Variants in DIAPH2 observed in about 807,000 individuals in gnomAD.
DIAPH2 encodes the protein protein diaphanous homolog 2.
Under a neutral mutation model 92.7 loss-of-function variants are expected in DIAPH2, and 35 were observed. That is an observed-to-expected ratio of 0.38 (90% CI 0.29 to 0.50). The LOEUF is 0.50. Ranked by LOEUF, DIAPH2 falls within the 20% of genes least tolerant of loss-of-function variation. The pLI is 0.94. For missense variants in DIAPH2, 701 were observed against 819.5 expected, an observed-to-expected ratio of 0.86 and a Z score of 1.77; for synonymous variants, 301 against 280.4, an observed-to-expected ratio of 1.07 and a Z score of -0.73.
intron 26 of DIAPH2, among the ~76,000 whole-genome samples, chrX:97,587,523 C>T (rs1327050217): frequency 8.9e-6 from 1 of 111,985 alleles, no homozygotes; most frequent in Non-Finnish European, 1.9e-5. Flanking sequence ...AAAATACCCT[C>T]GCCTATGATG....
chrX:97,262,092 T>TAAAAA (rs35665297), intron 23 of DIAPH2, among the ~76,000 whole-genome samples: 404 of 60,025 alleles, frequency 6.7e-3, no homozygotes, highest in African/African-American at 0.013. Flanking sequence ...GATGAGAAAC[T>TAAAAA]AAAAAAAAAA....
chrX:97,412,438 A>G (rs1003801613), intron 25 of DIAPH2, among the ~76,000 whole-genome samples: 21 of 112,253 alleles, frequency 1.9e-4, no homozygotes, highest in African/African-American at 6.5e-4. Context: ...CTAAATGCCC[A>G]CAAGAGAAAG....
intron 26 of DIAPH2, among the ~76,000 whole-genome samples, chrX:97,438,148 G>C (rs190262892): frequency 1.2e-3 from 127 of 103,101 alleles, no homozygotes; most frequent in African/African-American, 4.2e-3. Context: ...AAAAAAAAAA[G>C]TAGTACCTGG....
At chrX:96,743,486 C>T (rs895282834) in intron 3 of DIAPH2, among the ~76,000 whole-genome samples, 11 of 111,827 alleles carry the variant, frequency 9.8e-5, no homozygotes, top group Non-Finnish European at 1.9e-4. Context: ...TCCTGGTCAA[C>T]AGTTGTTATC....
intron 22 of DIAPH2, among the ~76,000 whole-genome samples, chrX:97,176,926 C>T (rs184362411): frequency 1.3e-4 from 14 of 111,921 alleles, no homozygotes; most frequent in African/African-American, 4.2e-4. Flanking sequence ...TATGCACATC[C>T]TCCCATATAC....
chrX:96,987,724 A>C (rs1483764107), intron 17 of DIAPH2, among the ~76,000 whole-genome samples: 1 of 111,358 alleles, frequency 9.0e-6, no homozygotes, highest in East Asian at 2.8e-4. Context: ...TTTTTATCTG[A>C]GTCCTCTCAT....
chrX:97,464,297 TAAAAAAAAAAAAAA>T (rs753355896), intron 26 of DIAPH2, among the ~76,000 whole-genome samples: 6 of 32,948 alleles, frequency 1.8e-4, no homozygotes, highest in African/African-American at 6.0e-4. Context: ...CCATCTCTAC[TAAAAAAAAAAAAAA>T]AAAAAAAAAA....
At chrX:96,884,943 G>A (rs764145220) in intron 5 of DIAPH2, 1 of 1,211,356 alleles carries the variant, frequency 8.3e-7, no homozygotes, top group Non-Finnish European at 1.1e-6. Context: ...TGATTCATGA[G>A]TGTCCTCATC....
chrX:97,199,198 T>A (rs1184485641), intron 22 of DIAPH2, among the ~76,000 whole-genome samples: 1 of 102,498 alleles, frequency 9.8e-6, no homozygotes, highest in Non-Finnish European at 2.0e-5. Flanking sequence ...ATAAGGTGGT[T>A]TTTTTGAGGA....
chrX:96,754,819 G>T (rs1336686712), intron 3 of DIAPH2, among the ~76,000 whole-genome samples: 1 of 105,896 alleles, frequency 9.4e-6, no homozygotes, highest in Non-Finnish European at 1.9e-5. Context: ...AGCTACTTGG[G>T]AGGCTGAGGC....
chrX:97,258,665 C>G (rs1385225801), intron 23 of DIAPH2, among the ~76,000 whole-genome samples: 1 of 107,952 alleles, frequency 9.3e-6, no homozygotes, highest in African/African-American at 3.4e-5. Context: ...GTCAGGAGAT[C>G]TAGACCATCC....
chrX:96,732,276 T>C (rs1268255271), intron 1 of DIAPH2, among the ~76,000 whole-genome samples: 1 of 112,165 alleles, frequency 8.9e-6, no homozygotes, highest in Non-Finnish European at 1.9e-5. Flanking sequence ...TTCGTTTTGT[T>C]TGCAGATCAT....
At chrX:97,508,832 T>C (rs1024273836) in intron 26 of DIAPH2, among the ~76,000 whole-genome samples, 141 of 110,846 alleles carry the variant, frequency 1.3e-3, no homozygotes, top group African/African-American at 4.4e-3. Flanking sequence ...CTTCTTTTTC[T>C]ACAAAGCAGT....
chrX:96,948,136 A>G (rs1239536013), intron 14 of DIAPH2, among the ~76,000 whole-genome samples: 1 of 112,860 alleles, frequency 8.9e-6, no homozygotes, highest in Non-Finnish European at 1.9e-5. Flanking sequence ...AGATTGTAAT[A>G]GAAACAATTC....
intron 22 of DIAPH2, among the ~76,000 whole-genome samples, chrX:97,158,340 A>G (rs1440560592): frequency 8.9e-6 from 1 of 111,932 alleles, no homozygotes; most frequent in Admixed American, 9.5e-5. Context: ...GATCGGTTCT[A>G]TTGTCTTGTC....
intron 26 of DIAPH2, among the ~76,000 whole-genome samples, chrX:97,481,783 AT>A (rs1427260748): frequency 9.0e-6 from 1 of 111,482 alleles, no homozygotes; most frequent in African/African-American, 3.3e-5. Flanking sequence ...GTAATTGAGT[AT>A]TTTTCATTGA....
chrX:96,879,376 AT>A (rs1228465349), intron 4 of DIAPH2, among the ~76,000 whole-genome samples: 1 of 110,803 alleles, frequency 9.0e-6, no homozygotes, highest in East Asian at 2.8e-4. Context: ...CTAGGGGAAG[AT>A]TAGTGGTGCC....
intron 24 of DIAPH2, among the ~76,000 whole-genome samples, chrX:97,361,110 T>A (rs1438281996): frequency 9.3e-6 from 1 of 107,382 alleles, no homozygotes; most frequent in Non-Finnish European, 1.9e-5. Flanking sequence ...CAGGCTGGTC[T>A]TGAACTCCTG....
chrX:97,263,900 T>TTTTATTTATTTATTTA (rs10644882), intron 23 of DIAPH2, among the ~76,000 whole-genome samples: 5,833 of 93,962 alleles, frequency 0.062, 264 homozygotes, highest in Non-Finnish European at 0.097. Flanking sequence ...ACTGTTAGTT[T>TTTTATTTATTTATTTA]TTTATTTATT....
Sources: allele counts gnomAD v4.1 joint callset (sites outside exome capture counted in the v4.1 genomes callset), GRCh38; gene constraint gnomAD v4.1.1; transcripts MANE v1.5; gene names NCBI Gene and HGNC (gene_info 2026-07-23, HGNC 2026-07-21).